UBE2E2: variants seen among roughly 807,000 people sequenced by gnomAD.
The protein encoded by UBE2E2 is ubiquitin-conjugating enzyme E2 E2.
A neutral mutation model predicts 24.7 loss-of-function variants in UBE2E2; 6 were observed. That is an observed-to-expected ratio of 0.24 (90% CI 0.13 to 0.48). The LOEUF is 0.48. UBE2E2 is among the 20% of genes least tolerant of loss of function. UBE2E2 has a pLI of 0.99. For synonymous variants in UBE2E2, 104 were observed against 83.6 expected (o/e 1.24, Z -1.33); for missense variants, 169 against 245.0 (o/e 0.69, Z 2.07).
At chr3:23,377,517 G>T (rs1696551772) in intron 3 of UBE2E2, among the ~76,000 whole-genome samples, 2 of 152,164 alleles carry the variant, frequency 1.3e-5, no homozygotes, top group South Asian at 4.1e-4. Context: ...CCAGAATGAT[G>T]GTTTTCCCCA....
chr3:23,262,108 T>A (rs556762877), intron 3 of UBE2E2, among the ~76,000 whole-genome samples: 14 of 152,340 alleles, frequency 9.2e-5, no homozygotes, highest in South Asian at 2.1e-4. Flanking sequence ...GGGCACCCTT[T>A]TCTCCACATC....
intron 3 of UBE2E2, among the ~76,000 whole-genome samples, chr3:23,468,429 AT>A (rs1698968738): frequency 6.6e-6 from 1 of 152,254 alleles, no homozygotes; most frequent in African/African-American, 2.4e-5. Context: ...AAGATGTTAA[AT>A]CAGATGCATT....
At chr3:23,228,525 C>G (rs189281148) in intron 3 of UBE2E2, among the ~76,000 whole-genome samples, 36 of 152,196 alleles carry the variant, frequency 2.4e-4, no homozygotes, top group Non-Finnish European at 4.1e-4. Flanking sequence ...ATCCAAATTT[C>G]TTTACGGTGA....
intron 3 of UBE2E2, among the ~76,000 whole-genome samples, chr3:23,270,055 A>G (rs1309102123): frequency 6.7e-6 from 1 of 149,774 alleles, no homozygotes; most frequent in African/African-American, 2.5e-5. Context: ...TAGCTCATCC[A>G]TTTCCTGTCT....
intron 5 of UBE2E2, among the ~76,000 whole-genome samples, chr3:23,588,520 G>A (rs185723022): frequency 1.1e-4 from 16 of 151,214 alleles, no homozygotes; most frequent in Middle Eastern, 3.4e-3. Flanking sequence ...GGACTCAAGC[G>A]ATCCTGCTGC....
chr3:23,515,174 G>T (rs887905679), intron 4 of UBE2E2, among the ~76,000 whole-genome samples: 1 of 151,370 alleles, frequency 6.6e-6, no homozygotes, highest in Non-Finnish European at 1.5e-5. Flanking sequence ...TAGAGAGAGA[G>T]ATACATACAT....
At position 23,341,489 on chromosome 3, in the gene UBE2E2, T is replaced by C. The variant is rs1575572138; in HGVS notation, c.227+124177T>C. On this transcript the variant is annotated intron_variant, in intron 3 of 5. Coordinates refer to ENST00000396703, the MANE Select transcript of UBE2E2 (RefSeq NM_152653.4). ...AATACAGTATATGTTTTTCTAGTTG[T>C]GTCTTCACCTAGAATCTTCAAGACC... Among the ~76,000 whole-genome samples, 4 of 152,186 alleles carry C rather than the reference T, an allele frequency of 2.6e-5. No individual in the cohort carries two copies. The South Asian group carries it at 8.3e-4, about 32-fold the overall frequency.
intron 4 of UBE2E2, among the ~76,000 whole-genome samples, chr3:23,520,872 G>A (rs972575715): frequency 2.0e-5 from 3 of 152,074 alleles, no homozygotes; most frequent in Admixed American, 1.3e-4. Flanking sequence ...CAGATTTCTG[G>A]CCTCAAGTGA....
rs1421516969 is a variant in UBE2E2 at position 23,309,274 on chromosome 3, GC to G, written c.227+91963del. 3.3e-5 allele frequency among the ~76,000 whole-genome samples: 5 copies of G among 152,064 alleles called. No homozygotes were observed. In the East Asian group the frequency reaches 7.7e-4, roughly 23 times the overall value. On this transcript the variant is annotated intron_variant, in intron 3 of 5. Transcript: ENST00000396703. Reference sequence around the variant, plus strand: ...AGACACACCCAGAAACAATACTTCAGCAGCCATCTAAACATCCCTCAATCCA... The same window carrying G: ...AGACACACCCAGAAACAATACTTCAGAGCCATCTAAACATCCCTCAATCCA...
chr3:23,361,596 A>G (rs555718817), intron 3 of UBE2E2, among the ~76,000 whole-genome samples: 27 of 152,328 alleles, frequency 1.8e-4, no homozygotes, highest in Admixed American at 6.5e-4. Context: ...CAAATATTCT[A>G]TGTTCTCATT....
At chr3:23,316,645 CT>C (rs1228797205) in intron 3 of UBE2E2, among the ~76,000 whole-genome samples, 40 of 151,780 alleles carry the variant, frequency 2.6e-4, no homozygotes, top group Admixed American at 8.5e-4. Flanking sequence ...CTTAATCTTT[CT>C]TCTACTTTTC....
rs1408201773 is a variant in UBE2E2, at chr3:23,295,602, G to C, written c.227+78290G>C. 7.9e-5 allele frequency among the ~76,000 whole-genome samples: 12 copies of C among 152,296 alleles called. No individual in the cohort carries two copies. In the East Asian group the frequency reaches 1.7e-3, roughly 22 times the overall value. On this transcript the variant is annotated intron_variant, in intron 3 of 5. Transcript: ENST00000396703. ...AAGTATGGGAAGTCCAGATTTTTAT[G>C]TGAAATATCTCAGATTTCGAATATC...
At chr3:23,413,651 A>T (rs896919374) in intron 3 of UBE2E2, among the ~76,000 whole-genome samples, 1 of 152,108 alleles carries the variant, frequency 6.6e-6, no homozygotes, top group Admixed American at 6.5e-5. Flanking sequence ...TCTTGAAGTA[A>T]ATTTCCCTTA....
intron 3 of UBE2E2, among the ~76,000 whole-genome samples, chr3:23,489,195 G>T (rs796580712): frequency 5.9e-5 from 9 of 152,288 alleles, no homozygotes; most frequent in African/African-American, 1.9e-4. Flanking sequence ...GTTTTGGGAT[G>T]ATTCAAGCAC....
At chr3:23,296,324 T>C (rs1698906938) in intron 3 of UBE2E2, among the ~76,000 whole-genome samples, 1 of 152,152 alleles carries the variant, frequency 6.6e-6, no homozygotes, top group Non-Finnish European at 1.5e-5. Context: ...TAAATTTTAT[T>C]ATTATTGTAT....
At chr3:23,274,435 G>A (rs779343734) in intron 3 of UBE2E2, among the ~76,000 whole-genome samples, 7 of 152,110 alleles carry the variant, frequency 4.6e-5, no homozygotes, top group East Asian at 3.9e-4. Context: ...GCAAGGTCAC[G>A]GTTCACTGCA....
chr3:23,514,302 C>T (rs1575677968), intron 4 of UBE2E2, among the ~76,000 whole-genome samples: 2 of 152,208 alleles, frequency 1.3e-5, no homozygotes, highest in South Asian at 2.1e-4. Flanking sequence ...TTCTTTCTCA[C>T]GTTACCTTCT....
rs1403223538 is a variant in UBE2E2, at chr3:23,556,388, G to A, written c.508+23687G>A. Among the ~76,000 whole-genome samples the A allele has an allele frequency of 8.0e-5, 11 of 137,764 alleles. 1 individual carries two copies. The South Asian group carries it at 2.1e-3, about 26-fold the overall frequency. The allele number at this position is 137,764 out of a possible 152,430, so 90.4% of individuals were successfully genotyped here. On this transcript the variant is annotated intron_variant, in intron 5 of 5. Coordinates refer to ENST00000396703, the MANE Select transcript of UBE2E2 (RefSeq NM_152653.4). The stretch of plus-strand genomic sequence containing the variant: ...AATCTCTTGACCTCATGATCCACCC[G>A]CCTCGACCTCCCAAAGTGCTGGGAT...
At chr3:23,489,589 G>A (rs1054409999) in intron 3 of UBE2E2, among the ~76,000 whole-genome samples, 2 of 152,190 alleles carry the variant, frequency 1.3e-5, no homozygotes, top group African/African-American at 4.8e-5. Flanking sequence ...AGGAAGAGGT[G>A]AGCCCTGCTA....
Sources: gnomAD v4.1 joint callset for allele counts (sites outside exome capture counted in the v4.1 genomes callset) on GRCh38, gnomAD v4.1.1 for gene constraint, MANE v1.5 for transcripts, NCBI Gene and HGNC (gene_info 2026-07-23, HGNC 2026-07-21) for gene names.